Variants in TTC28 observed in about 807,000 individuals in gnomAD.
The protein encoded by TTC28 is tetratricopeptide repeat domain 28, also known as tetratricopeptide repeat protein 28.
In TTC28, 61 loss-of-function variants were observed where a neutral mutation model predicts 198.0. The observed-to-expected ratio is 0.31, with a 90% CI of 0.25 to 0.38. The LOEUF is 0.38. TTC28 is among the 10% of genes least tolerant of loss of function. TTC28 has a pLI of 1.00. For synonymous variants in TTC28, 1,171 were observed against 1,297.8 expected, an observed-to-expected ratio of 0.90 and a Z score of 2.10; for missense variants, 2,678 against 3,164.0, an observed-to-expected ratio of 0.85 and a Z score of 3.69.
rs1392520076 is a variant in TTC28, at chr22:27,983,330, T to A, written c.6337A>T (p.Thr2113Ser). ...ISTPNSPVKM[T>S]LIPSPNSPFQ... ...GGTGAGTTGGGGCTGGGAATCAGAG[T>A]CATTTTCACTGGAGAATTTGGAGTG... Residue 2113 changes from threonine to serine, a missense_variant, in exon 23 of 23, where the codon ACT (threonine) becomes TCT (serine). Around this residue, in one of 8 missense-constraint regions of TTC28, gnomAD observed 622 missense variants for 656.0 expected, o/e 0.95. Coordinates refer to ENST00000397906, the MANE Select transcript of TTC28 (RefSeq NM_001145418.2). 6.4e-7 allele frequency: 1 copy of A among 1,551,906 alleles called. No individual in the cohort carries two copies. Among genetic ancestry groups the A allele is most frequent in the East Asian group, 2.4e-5 (1 of 40,904 alleles).
At chr22:28,389,203 T>C (rs1168574077) in intron 2 of TTC28, among the ~76,000 whole-genome samples, 3 of 152,240 alleles carry the variant, frequency 2.0e-5, no homozygotes, top group Non-Finnish European at 4.4e-5. Flanking sequence ...CACTTGATCA[T>C]GGTGGATAAG....
At chr22:28,636,108 T>C (rs1331597335) in intron 1 of TTC28, among the ~76,000 whole-genome samples, 3 of 151,280 alleles carry the variant, frequency 2.0e-5, no homozygotes, top group Admixed American at 1.3e-4. Context: ...GGTTCATCCA[T>C]ATTGTTGCAA....
At chr22:28,401,220 TGACGAC>T (rs1011645743) in intron 2 of TTC28, among the ~76,000 whole-genome samples, 4 of 151,718 alleles carry the variant, frequency 2.6e-5, no homozygotes, top group African/African-American at 7.3e-5. Context: ...ACGATGACGA[TGACGAC>T]GACGATGACG....
chr22:28,408,174 A>C (rs1702147129), intron 2 of TTC28, among the ~76,000 whole-genome samples: 1 of 152,104 alleles, frequency 6.6e-6, no homozygotes. Flanking sequence ...AAAAACAATA[A>C]ATAACGTTTC....
chr22:28,042,797 T>C (rs1164002162), intron 12 of TTC28, among the ~76,000 whole-genome samples: 1 of 151,564 alleles, frequency 6.6e-6, no homozygotes, highest in East Asian at 1.9e-4. Context: ...TCCTACTCTA[T>C]GGGCTGCCTC....
intron 2 of TTC28, among the ~76,000 whole-genome samples, chr22:28,462,690 T>C: frequency 6.6e-6 from 1 of 152,178 alleles, no homozygotes; most frequent in East Asian, 1.9e-4. Flanking sequence ...AAATTAGTAA[T>C]AAAAATTGAG....
At chr22:28,343,529 CAA>C (rs35941888) in intron 2 of TTC28, among the ~76,000 whole-genome samples, 11 of 134,786 alleles carry the variant, frequency 8.2e-5, no homozygotes, top group African/African-American at 1.1e-4. Flanking sequence ...GACTCTGTCT[CAA>C]AAAAAAAAAA....
At chr22:28,528,577 A>C (rs1359806573) in intron 2 of TTC28, among the ~76,000 whole-genome samples, 1 of 151,714 alleles carries the variant, frequency 6.6e-6, no homozygotes, top group African/African-American at 2.4e-5. Context: ...AACTACAAAA[A>C]AAAAAAAAAT....
intron 12 of TTC28, among the ~76,000 whole-genome samples, chr22:28,065,517 A>G (rs2146753361): frequency 6.6e-6 from 1 of 152,336 alleles, no homozygotes; most frequent in African/African-American, 2.4e-5. Context: ...TCATTTAAGA[A>G]AACACCCTAT....
chr22:28,267,904 C>T (rs968581753), intron 5 of TTC28, among the ~76,000 whole-genome samples: 1 of 152,158 alleles, frequency 6.6e-6, no homozygotes, highest in East Asian at 1.9e-4. Context: ...TCAAGTCTTT[C>T]GGGACTACGA....
chr22:28,573,654 G>A (rs1332227723), intron 2 of TTC28, among the ~76,000 whole-genome samples: 1 of 151,662 alleles, frequency 6.6e-6, no homozygotes, highest in African/African-American at 2.4e-5. Context: ...GGGTAAATGG[G>A]GTATCTACAT....
intron 14 of TTC28, among the ~76,000 whole-genome samples, chr22:28,013,505 T>C (rs537611394): frequency 6.6e-6 from 1 of 152,234 alleles, no homozygotes; most frequent in African/African-American, 2.4e-5. Flanking sequence ...TATGCAAGGG[T>C]GTCTTTAACG....
At chr22:28,089,121 C>T (rs1207413178) in intron 12 of TTC28, among the ~76,000 whole-genome samples, 1 of 152,138 alleles carries the variant, frequency 6.6e-6, no homozygotes, top group African/African-American at 2.4e-5. Context: ...CCTCAGGGAT[C>T]TAGAACTAGA....
At chr22:28,189,790 G>C (rs190941739) in intron 5 of TTC28, among the ~76,000 whole-genome samples, 1 of 151,878 alleles carries the variant, frequency 6.6e-6, no homozygotes, top group African/African-American at 2.4e-5. Flanking sequence ...ATTGAAGCTT[G>C]AAGAAGAATT....
intron 5 of TTC28, among the ~76,000 whole-genome samples, chr22:28,288,825 A>AG (rs1236703400): frequency 2.0e-5 from 3 of 151,864 alleles, no homozygotes; most frequent in African/African-American, 7.2e-5. Flanking sequence ...AAAAAAAAAA[A>AG]AAGCTATATA....
chr22:28,302,844 A>G (rs769871713), intron 3 of TTC28, among the ~76,000 whole-genome samples: 3 of 152,080 alleles, frequency 2.0e-5, no homozygotes, highest in Non-Finnish European at 4.4e-5. Flanking sequence ...TTTTAACATA[A>G]CATTTCAGAA....
intron 12 of TTC28, among the ~76,000 whole-genome samples, chr22:28,037,206 C>T (rs1156252582): frequency 1.3e-5 from 2 of 152,038 alleles, no homozygotes; most frequent in African/African-American, 2.4e-5. Context: ...CTGGCAGAGA[C>T]ACAACAAAAA....
intron 5 of TTC28, among the ~76,000 whole-genome samples, chr22:28,169,444 G>T (rs1220181672): frequency 1.3e-5 from 2 of 152,090 alleles, no homozygotes; most frequent in African/African-American, 4.8e-5. Context: ...ATGATAGACT[G>T]GATTAAGAAA....
At chr22:28,131,100 T>C (rs1371254615) in intron 6 of TTC28, among the ~76,000 whole-genome samples, 1 of 152,228 alleles carries the variant, frequency 6.6e-6, no homozygotes, top group Non-Finnish European at 1.5e-5. Flanking sequence ...ATCTCAGTGC[T>C]AGGTGGTGGA....
Sources: allele counts gnomAD v4.1 joint callset (sites outside exome capture counted in the v4.1 genomes callset), GRCh38; gene constraint gnomAD v4.1.1; regional missense constraint gnomAD v4.1.1; transcripts MANE v1.5; gene names NCBI Gene and HGNC (gene_info 2026-07-23, HGNC 2026-07-21).